ERCC1: variants seen among roughly 807,000 people sequenced by gnomAD.
ERCC1 encodes DNA excision repair protein ERCC-1.
Under a neutral mutation model 37.6 loss-of-function variants are expected in ERCC1, and 36 were observed. The ratio of observed to expected loss-of-function variants is 0.96; its 90% CI spans 0.73 to 1.26. ERCC1 has a LOEUF of 1.26. ERCC1 is among the 50% of genes most tolerant of loss of function. The pLI is 0.00. For synonymous variants in ERCC1, 156 were observed against 162.1 expected (o/e 0.96, Z 0.28); for missense variants, 349 against 376.5 (o/e 0.93, Z 0.60).
At chr19:45,413,635 C>G in intron 9 of ERCC1, 42 bp downstream of exon 9, 2 of 1,614,198 alleles carry the variant, frequency 1.2e-6, no homozygotes, top group Non-Finnish European at 1.7e-6. Flanking sequence ...TTGGGGCTCT[C>G]TCCTTCCCCC....
rs150994935 is a variant in ERCC1, at chr19:45,408,178, G to A, written c.*1497C>T. 1.7e-3 allele frequency: 2,706 copies of A among 1,612,094 alleles called. 40 individuals carry two copies. Among genetic ancestry groups the A allele is most frequent in the African/African-American group, 0.01 (784 of 75,034 alleles). On this transcript the variant is annotated 3_prime_UTR_variant, in exon 10 of 10. Transcript: ENST00000300853. ...CTCTCTCTGGCTCCCAGATCGTCAA[G>A]GGCAAATTGGCAGGCAAGCGGCACC...
intron 1 of ERCC1, 182 bp from the exon 2 acceptor site, chr19:45,423,563 G>A: frequency 7.0e-7 from 1 of 1,430,736 alleles, no homozygotes; most frequent in Non-Finnish European, 9.1e-7. Context: ...CCTTCGGCTC[G>A]CCCCGCCCCT....
chr19:45,421,040 CGAATGAATGAAT>C (rs3212949), intron 3 of ERCC1, 126 bp downstream of exon 3: 7 of 773,734 alleles, frequency 9.0e-6, no homozygotes, highest in East Asian at 2.7e-5. Flanking sequence ...ACACTGCTGT[CGAATGAATGAAT>C]GAATGAATGA....
chr19:45,417,174 A>G (rs1320055530), intron 5 of ERCC1, among the ~76,000 whole-genome samples: 2 of 152,118 alleles, frequency 1.3e-5, no homozygotes, highest in East Asian at 1.9e-4. Context: ...CTCTCACCCA[A>G]TTGTCACTCT....
Position 45,420,240 on chromosome 19 carries a change from G to C in ERCC1, c.425+84C>G, listed in dbSNP as rs767581101. ...GGACCATGCCCAGAGGCTTCTCATAGAACAGTCCAGAACACTGGGACATGA... is the reference window on the plus strand; with the variant it reads ...GGACCATGCCCAGAGGCTTCTCATACAACAGTCCAGAACACTGGGACATGA... On this transcript the variant is annotated intron_variant, in intron 4 of 9. Transcript: ENST00000300853. This position sits in a 1 kb window ranked among gnomAD's most constrained non-coding sequence, Gnocchi z 4.8. The C allele has an allele frequency of 1.8e-5, 16 of 903,408 alleles. No homozygotes were observed. The highest frequency in any genetic ancestry group is 2.9e-5 in the Non-Finnish European group (16 of 558,628). The allele number at this position is 903,408 out of a possible 1,614,324, so 56.0% of individuals were successfully genotyped here.
At chr19:45,438,860 C>G (rs1250446411) in intron 1 of ERCC1, among the ~76,000 whole-genome samples, 1 of 151,942 alleles carries the variant, frequency 6.6e-6, no homozygotes, top group Non-Finnish European at 1.5e-5. Context: ...AGGCTGGTCT[C>G]GAAATCCCGA....
At chr19:45,432,809 G>A (rs958950802) in intron 1 of ERCC1, among the ~76,000 whole-genome samples, 2 of 152,346 alleles carry the variant, frequency 1.3e-5, no homozygotes, top group Non-Finnish European at 1.5e-5. Flanking sequence ...GCTCACGCCT[G>A]TATTCCCAGC....
chr19:45,409,473 G>T lies in ERCC1; in HGVS notation c.*202C>A. 1 of 1,610,470 alleles carries T rather than the reference G, an allele frequency of 6.2e-7. No homozygotes were observed. The highest frequency in any genetic ancestry group is 8.5e-7 in the Non-Finnish European group (1 of 1,179,070). On this transcript the variant is annotated 3_prime_UTR_variant, in exon 10 of 10. Transcript: ENST00000300853. ...GCTCCCACAGGCCGGGACAAGAAGC[G>T]GAAGCAGCAGCAGCAGCAGCCTGTG... is the stretch of plus-strand genomic sequence containing the variant.
At chr19:45,446,240 G>GA (rs1966938597) in intron 1 of ERCC1, among the ~76,000 whole-genome samples, 1 of 152,126 alleles carries the variant, frequency 6.6e-6, no homozygotes, top group South Asian at 2.1e-4. Flanking sequence ...TGTAGGTGGG[G>GA]AATAGACTTT....
At chr19:45,409,793 G>A (rs1400758274) in intron 9 of ERCC1, 68 bp from the exon 10 acceptor site, 1 of 726,864 alleles carries the variant, frequency 1.4e-6, no homozygotes, top group African/African-American at 1.7e-5. Context: ...TAAATCTAGA[G>A]TGGGGTTTTG....
In ERCC1 at chr19:45,407,533, G is replaced by A. The variant is rs188831361; in HGVS notation, c.*2142C>T. 4 of 365,836 alleles carry A rather than the reference G, an allele frequency of 1.1e-5. No individual in the cohort carries two copies. Among genetic ancestry groups the A allele is most frequent in the Admixed American group, 4.8e-5 (1 of 20,790 alleles). 22.7% of individuals were successfully genotyped at this position (365,836 alleles called of 1,614,324 possible). A position where few individuals can be genotyped will look rare whatever the true frequency, so the allele number is the denominator to read the frequency against. Reference sequence around the variant, plus strand: ...GGTGTTATCCACGACCATTAATCCTGCAACCTAAGCTTGCTCATTTATGTT... The same window carrying A: ...GGTGTTATCCACGACCATTAATCCTACAACCTAAGCTTGCTCATTTATGTT... On this transcript the variant is annotated 3_prime_UTR_variant, in exon 10 of 10. Coordinates refer to ENST00000300853, the MANE Select transcript of ERCC1 (RefSeq NM_001983.4).
chr19:45,418,680 G>A lies in ERCC1; in HGVS notation c.525+418C>T, dbSNP rs185527414. Among the ~76,000 whole-genome samples, 144 of 151,296 alleles carry A rather than the reference G, an allele frequency of 9.5e-4. No individual in the cohort carries two copies. The Middle Eastern group carries it at 0.017, about 18-fold the overall frequency. The stretch of plus-strand genomic sequence containing the variant: ...TCTACTAAAAATACAAAAATCAGCC[G>A]GGCGTGGTGGTGCATGCCTATAATC... On this transcript the variant is annotated intron_variant, in intron 5 of 9. Transcript: ENST00000300853.
rs770442277 is a variant in ERCC1 at position 45,421,369 on chromosome 19, G to A, written c.130C>T (p.Gln44Ter). 1.2e-6 allele frequency: 2 copies of A among 1,612,524 alleles called. No homozygotes were observed. Among genetic ancestry groups the A allele is most frequent in the Non-Finnish European group, 1.7e-6 (2 of 1,179,076 alleles). The change falls in exon 3 of 10, where the codon CAG becomes TAG. Residue 44 changes from glutamine (Q) to a stop codon, truncating the protein, a stop_gained. Coordinates refer to ENST00000300853, the MANE Select transcript of ERCC1 (RefSeq NM_001983.4). LOFTEE classifies it high-confidence loss of function. ...GAGGTGTCCACAGTGGGAAGGCTCT[G>A]TGTAGATCGGAATAAGGGCTTGGCC... ...GVAKPLFRST[Q>*]SLPTVDTSAQ...
Position 45,408,597 on chromosome 19 carries a change from T to G in ERCC1, c.*1078A>C. ...GCTTTGGGGTCGCCAGAAATGGATG[T>G]GCGGAAGAAGAAGAAGAAAAAAAAT... On this transcript the variant is annotated 3_prime_UTR_variant, in exon 10 of 10. Coordinates refer to ENST00000300853, the MANE Select transcript of ERCC1 (RefSeq NM_001983.4). 1 of 1,612,114 alleles carries G rather than the reference T, an allele frequency of 6.2e-7. No individual in the cohort carries two copies. The highest frequency in any genetic ancestry group is 1.3e-5 in the African/African-American group (1 of 74,330).
rs771438243 is a variant in ERCC1, at chr19:45,419,168, T to C, written c.455A>G (p.Tyr152Cys). The change falls in exon 5 of 10, where the codon TAC (tyrosine) becomes TGC (cysteine). Residue 152 changes from tyrosine to cysteine, a missense_variant. Coordinates refer to ENST00000300853, the MANE Select transcript of ERCC1 (RefSeq NM_001983.4). ...SLRYHNLHPD[Y>C]IHGRLQSLGK... ...CAGGCTCTGCAGCCGCCCATGGATG[T>C]AGTCTGGGTGCAGGTTGTGGTAGCG... is the stretch of plus-strand genomic sequence containing the variant. 2.1e-5 allele frequency: 33 copies of C among 1,597,782 alleles called. No homozygotes were observed. The highest frequency in any genetic ancestry group is 2.8e-5 in the Non-Finnish European group (33 of 1,171,390).
intron 9 of ERCC1, among the ~76,000 whole-genome samples, chr19:45,412,906 C>CT (rs1435799603): frequency 1.3e-5 from 2 of 151,682 alleles, no homozygotes; most frequent in Non-Finnish European, 2.9e-5. Flanking sequence ...TACCTGGCTA[C>CT]TTTTTTGTAT....
At chr19:45,433,112 G>A (rs1280107488) in intron 1 of ERCC1, among the ~76,000 whole-genome samples, 2 of 150,752 alleles carry the variant, frequency 1.3e-5, no homozygotes, top group Non-Finnish European at 1.5e-5. Context: ...GGATTAGGCC[G>A]GGTGCGGTGG....
At chr19:45,428,419 C>T (rs1478513030), upstream of ERCC1, among the ~76,000 whole-genome samples, 4 of 152,102 alleles carry the variant, frequency 2.6e-5, no homozygotes, top group Non-Finnish European at 5.9e-5. Flanking sequence ...CAAAACTAAA[C>T]TTTGGAATCC....
chr19:45,448,730 A>G (rs1967022771), intron 1 of ERCC1, among the ~76,000 whole-genome samples: 1 of 152,096 alleles, frequency 6.6e-6, no homozygotes, highest in Admixed American at 6.6e-5. Flanking sequence ...AGAGAGAGAT[A>G]AACACACATC....
Sources: allele counts gnomAD v4.1 joint callset (sites outside exome capture counted in the v4.1 genomes callset), GRCh38; gene constraint gnomAD v4.1.1; non-coding constraint Gnocchi (gnomAD v3.1); transcripts MANE v1.5; gene names NCBI Gene and HGNC (gene_info 2026-07-23, HGNC 2026-07-21).